Variants in KSR2 observed in about 807,000 individuals in gnomAD.
The protein encoded by KSR2 is kinase suppressor of ras 2.
Under a neutral mutation model 107.8 loss-of-function variants are expected in KSR2, and 25 were observed. That is an observed-to-expected ratio of 0.23 (90% CI 0.17 to 0.32). The LOEUF is 0.32. Ranked by LOEUF, KSR2 falls within the 10% of genes least tolerant of loss-of-function variation. The pLI is 1.00. For synonymous variants in KSR2, 480 were observed against 507.0 expected, an observed-to-expected ratio of 0.95 and a Z score of 0.71; for missense variants, 887 against 1,268.9, an observed-to-expected ratio of 0.70 and a Z score of 4.57.
chr12:117,941,015 G>T (rs1048761576), intron 1 of KSR2, among the ~76,000 whole-genome samples: 4 of 152,086 alleles, frequency 2.6e-5, no homozygotes, highest in African/African-American at 4.8e-5. Context: ...AACCCAGGAG[G>T]CAGAGGTTGC....
At position 117,767,400 on chromosome 12, in the gene KSR2, G is replaced by A. The variant is rs183497764; in HGVS notation, c.473-5876C>T. Among the ~76,000 whole-genome samples, 753 of 151,186 alleles carry A rather than the reference G, an allele frequency of 5.0e-3. 5 individuals carry two copies. Among genetic ancestry groups the A allele is most frequent in the African/African-American group, 0.017 (708 of 41,236 alleles). ...TGCAGTGAGCCGAGATCGCTCCACT[G>A]CACTCCAGCCTGGGCGACAGAGCGA... On this transcript the variant is annotated intron_variant, in intron 3 of 19. Transcript: ENST00000339824.
At chr12:117,823,454 G>C (rs906380613) in intron 3 of KSR2, among the ~76,000 whole-genome samples, 3 of 152,126 alleles carry the variant, frequency 2.0e-5, no homozygotes, top group African/African-American at 4.8e-5. Context: ...TGAGGAGTGA[G>C]GGTCGGGCTG....
At chr12:117,608,784 T>C (rs1254441245) in intron 5 of KSR2, among the ~76,000 whole-genome samples, 2 of 152,148 alleles carry the variant, frequency 1.3e-5, no homozygotes, top group African/African-American at 2.4e-5. Context: ...CCAAAGTACC[T>C]TGGGCCCACA....
At position 117,761,226 on chromosome 12, in the gene KSR2, C is replaced by T. The variant is rs759797146; in HGVS notation, c.771G>A (p.Ala257=). The T allele has an allele frequency of 1.3e-6, 2 of 1,546,464 alleles. No homozygotes were observed. The highest frequency in any genetic ancestry group is 1.2e-5 in the South Asian group (1 of 80,278). The change falls in exon 4 of 20, where the codon GCG becomes GCA. Residue 257 remains alanine, a synonymous_variant. Coordinates refer to ENST00000339824, the MANE Select transcript of KSR2 (RefSeq NM_173598.6). ...TGGGGGTGCGCGGCGGGGTGCGGAC[C>T]GCGTGCCGCTGCCGGGGCGATGGGG... ...SLPPSPRQRH[A]VRTPPRTPNI...
At chr12:117,903,424 A>C (rs1894748205) in intron 1 of KSR2, among the ~76,000 whole-genome samples, 1 of 152,242 alleles carries the variant, frequency 6.6e-6, no homozygotes, top group Non-Finnish European at 1.5e-5. Flanking sequence ...TTGAATAAAC[A>C]AATACTTTTT....
At chr12:117,640,333 C>T (rs1883300095) in intron 5 of KSR2, among the ~76,000 whole-genome samples, 1 of 152,072 alleles carries the variant, frequency 6.6e-6, no homozygotes, top group African/African-American at 2.4e-5. Flanking sequence ...TCACTGCAAC[C>T]TTCACCTCCC....
chr12:117,771,308 G>A lies in KSR2; in HGVS notation c.473-9784C>T, dbSNP rs111276060. ...AAAAGAATGCAATCGTTTGTCTCTC[G>A]CCTACCTGTGACCTGGAAGCCCCCT... is the stretch of plus-strand genomic sequence containing the variant. On this transcript the variant is annotated intron_variant, in intron 3 of 19. Transcript: ENST00000339824. Among the ~76,000 whole-genome samples, 14 of 152,174 alleles carry A rather than the reference G, an allele frequency of 9.2e-5. 2 individuals are homozygous for A. The highest frequency in any genetic ancestry group is 2.6e-4 in the African/African-American group (11 of 41,524).
intron 5 of KSR2, among the ~76,000 whole-genome samples, chr12:117,639,324 TC>T (rs1883250747): frequency 6.6e-6 from 1 of 151,490 alleles, no homozygotes; most frequent in African/African-American, 2.4e-5. Context: ...ATTATTATCA[TC>T]ATTATTATTA....
chr12:117,936,515 TTATTATTATTATTATTATTAGTAG>T (rs1323457672), intron 1 of KSR2, among the ~76,000 whole-genome samples: 9 of 41,088 alleles, frequency 2.2e-4, no homozygotes, highest in Non-Finnish European at 4.4e-4. Context: ...TATTATTTTA[TTATTATTATTATTATTATTAGTAG>T]TAGTAGTAGT....
At chr12:117,951,675 A>T (rs549180166) in intron 1 of KSR2, among the ~76,000 whole-genome samples, 87 of 152,268 alleles carry the variant, frequency 5.7e-4, no homozygotes, top group Non-Finnish European at 1.1e-3. Context: ...GACTCATCAG[A>T]GGTCTTTGGG....
rs188528310 is a variant in KSR2, at chr12:117,536,939, A to C, written c.1687+2780T>G. ...ATTTAAAACTTTAACAGGGCTGGCTATGGTGGTTCACACCTGTAATCCCAG... is the reference window on the plus strand; with the variant it reads ...ATTTAAAACTTTAACAGGGCTGGCTCTGGTGGTTCACACCTGTAATCCCAG... On this transcript the variant is annotated intron_variant, in intron 10 of 19. Transcript: ENST00000339824. Among the ~76,000 whole-genome samples the C allele has an allele frequency of 1.5e-3, 228 of 152,350 alleles. 1 individual carries two copies. The highest frequency in any genetic ancestry group is 5.1e-3 in the African/African-American group (211 of 41,588).
chr12:117,487,053 G>A (rs1013598297), intron 14 of KSR2, among the ~76,000 whole-genome samples: 3 of 152,104 alleles, frequency 2.0e-5, no homozygotes, highest in African/African-American at 7.3e-5. Flanking sequence ...GCCAACAGCT[G>A]CTGCCTTTCT....
At chr12:117,773,181 A>G (rs1889566626) in intron 3 of KSR2, among the ~76,000 whole-genome samples, 1 of 152,136 alleles carries the variant, frequency 6.6e-6, no homozygotes, top group African/African-American at 2.4e-5. Flanking sequence ...TTAAATAGGA[A>G]AGGTGTGGTA....
At chr12:117,471,897 A>T (rs534108242) in intron 17 of KSR2, among the ~76,000 whole-genome samples, 6 of 152,350 alleles carry the variant, frequency 3.9e-5, no homozygotes, top group African/African-American at 1.2e-4. Context: ...ATGTATGAAC[A>T]AGAGAATAAA....
chr12:117,538,241 T>C (rs139234052), intron 10 of KSR2, among the ~76,000 whole-genome samples: 1 of 152,268 alleles, frequency 6.6e-6, no homozygotes, highest in Non-Finnish European at 1.5e-5. Context: ...GTGACTCACA[T>C]TGCAGTCCTT....
intron 5 of KSR2, among the ~76,000 whole-genome samples, chr12:117,614,666 T>C (rs77944165): frequency 0.067 from 10,268 of 152,282 alleles, 419 homozygotes; most frequent in Middle Eastern, 0.12. Flanking sequence ...TTTTCTGTCA[T>C]ACTTTTGTGC....
chr12:117,496,746 A>G lies in KSR2; in HGVS notation c.2220-11055T>C, dbSNP rs1216978941. 2.0e-5 allele frequency among the ~76,000 whole-genome samples: 3 copies of G among 152,216 alleles called. No individual in the cohort carries two copies. In the East Asian group the frequency reaches 5.8e-4, roughly 29 times the overall value. ...TCCTAGTTTGGCACTGTGGTCTGCC[A>G]AAGGCCCTAAGTTTGAGGGCTTCTC... On this transcript the variant is annotated intron_variant, in intron 14 of 19. Transcript: ENST00000339824.
chr12:117,887,541 C>A (rs1894211649), intron 1 of KSR2, among the ~76,000 whole-genome samples: 1 of 152,138 alleles, frequency 6.6e-6, no homozygotes, highest in African/African-American at 2.4e-5. Context: ...AGGCCCTTGA[C>A]CAGTCCTGAG....
chr12:117,700,302 G>C (rs1347832288), intron 4 of KSR2, among the ~76,000 whole-genome samples: 2 of 152,282 alleles, frequency 1.3e-5, no homozygotes, highest in Admixed American at 1.3e-4. Flanking sequence ...CAGGGTGGTG[G>C]AGGCAGGATC....
Sources: gnomAD v4.1 joint callset for allele counts (sites outside exome capture counted in the v4.1 genomes callset) on GRCh38, gnomAD v4.1.1 for gene constraint, MANE v1.5 for transcripts, NCBI Gene and HGNC (gene_info 2026-07-23, HGNC 2026-07-21) for gene names.